Variants in PTPRT observed in about 807,000 individuals in gnomAD.
PTPRT encodes protein tyrosine phosphatase receptor type T.
A neutral mutation model predicts 176.8 loss-of-function variants in PTPRT; 56 were observed. That is an observed-to-expected ratio of 0.32 (90% CI 0.26 to 0.40). The LOEUF (loss-of-function observed/expected upper bound fraction) is 0.40. Among genes scored for constraint, PTPRT ranks in the 10% least tolerant of loss-of-function variants. The pLI, the probability that PTPRT is intolerant of heterozygous loss-of-function variation, is 1.00. For synonymous variants in PTPRT, 783 were observed against 739.0 expected, an observed-to-expected ratio of 1.06 and a Z score of -0.96; for missense variants, 1,540 against 1,908.2, an observed-to-expected ratio of 0.81 and a Z score of 3.60.
intron 1 of PTPRT, chr20:42,966,268 A>T (rs541543465): frequency 1.3e-5 from 2 of 152,352 alleles, no homozygotes; most frequent in East Asian, 3.9e-4. Flanking sequence ...ACTGGGTATT[A>T]TACCATTTTT....
Position 42,616,413 on chromosome 20 carries a change from C to T in PTPRT, c.1153+61453G>A, listed in dbSNP as rs1305843823. Among the ~76,000 whole-genome samples, 54 of 122,382 alleles carry T rather than the reference C, an allele frequency of 4.4e-4. 3 individuals are homozygous for T. The highest frequency in any genetic ancestry group is 7.5e-4 in the Non-Finnish European group (44 of 58,478). The allele number at this position is 122,382 out of a possible 152,430, so 80.3% of individuals were successfully genotyped here. A position where few individuals can be genotyped will look rare whatever the true frequency, so the allele number is the denominator to read the frequency against. ...TTCTTTTGGGTTAGGATTGACTTGGCGATGCGGGCTCTTTTTTGGTTCCAT... is the reference window on the plus strand; with the variant it reads ...TTCTTTTGGGTTAGGATTGACTTGGTGATGCGGGCTCTTTTTTGGTTCCAT... On this transcript the variant is annotated intron_variant, in intron 7 of 30. Transcript: ENST00000373187.
chr20:42,136,505 C>T (rs1490254801), intron 18 of PTPRT, among the ~76,000 whole-genome samples: 1 of 152,080 alleles, frequency 6.6e-6, no homozygotes, highest in Non-Finnish European at 1.5e-5. Context: ...TGTGTACCTC[C>T]TTGTCCTGCC....
intron 13 of PTPRT, among the ~76,000 whole-genome samples, chr20:42,254,838 A>G (rs867058377): frequency 2.5e-4 from 38 of 152,146 alleles, no homozygotes; most frequent in African/African-American, 8.9e-4. Context: ...TGCACAACTA[A>G]GCCCTGAGGA....
intron 2 of PTPRT, among the ~76,000 whole-genome samples, chr20:42,884,498 G>T (rs544820537): frequency 6.6e-6 from 1 of 152,244 alleles, no homozygotes; most frequent in Admixed American, 6.5e-5. Context: ...TAGCCAAGAT[G>T]ACATGGCAGC....
chr20:42,646,884 T>TTTTTTTTC (rs2074916021), intron 7 of PTPRT, among the ~76,000 whole-genome samples: 1 of 74,694 alleles, frequency 1.3e-5, no homozygotes, highest in African/African-American at 6.2e-5. Context: ...AAGACAGCCT[T>TTTTTTTTC]TTTTTTTTTT....
At chr20:42,135,190 A>T (rs1988314320) in intron 18 of PTPRT, among the ~76,000 whole-genome samples, 1 of 152,202 alleles carries the variant, frequency 6.6e-6, no homozygotes, top group Non-Finnish European at 1.5e-5. Flanking sequence ...CCCTAACCAT[A>T]TCACCTGGGG....
chr20:42,938,807 T>C (rs914453173), intron 1 of PTPRT, among the ~76,000 whole-genome samples: 3 of 152,224 alleles, frequency 2.0e-5, no homozygotes, highest in Non-Finnish European at 4.4e-5. Context: ...AGTTCCTGTG[T>C]CTTAAGAAAT....
intron 9 of PTPRT, among the ~76,000 whole-genome samples, chr20:42,356,727 TGTC>T (rs2058363265): frequency 6.6e-6 from 1 of 152,058 alleles, no homozygotes; most frequent in African/African-American, 2.4e-5. Context: ...AATCCAATCA[TGTC>T]GTAAGAGCAA....
chr20:42,219,393 T>G (rs1224626074), intron 15 of PTPRT, among the ~76,000 whole-genome samples: 2 of 152,152 alleles, frequency 1.3e-5, no homozygotes, highest in Non-Finnish European at 2.9e-5. Flanking sequence ...TGTTATAATC[T>G]CAACACATAG....
In PTPRT at chr20:43,189,681, G is replaced by T. The variant is rs2015492340; in HGVS notation, c.53C>A (p.Pro18Gln). The T allele has an allele frequency of 7.6e-7, 1 of 1,319,410 alleles. No individual in the cohort carries two copies. The highest frequency in any genetic ancestry group is 3.2e-5 in the East Asian group (1 of 31,210). 81.7% of individuals were successfully genotyped at this position (1,319,410 alleles called of 1,614,324 possible). ...CTGAGCCCGGGCGCCGGGCAGTGGC[G>T]GCAGCTGCAGCCTCAGGAGCAGGCT... ...ALSLLLRLQL[P>Q]PLPGARAQSA... The change falls in exon 1 of 31, where the codon CCG becomes CAG. Residue 18 changes from proline (P) to glutamine (Q), a missense_variant. Transcript: ENST00000373187. The surrounding 1 kb of genome is among the most constrained non-coding windows in gnomAD (Gnocchi z 5.0).
intron 9 of PTPRT, among the ~76,000 whole-genome samples, chr20:42,415,111 G>A (rs1297735882): frequency 6.6e-6 from 1 of 152,164 alleles, no homozygotes; most frequent in African/African-American, 2.4e-5. Context: ...GGCAATGGTT[G>A]GGCATTAGGT....
chr20:42,445,962 G>C (rs2070725537), intron 9 of PTPRT, among the ~76,000 whole-genome samples: 1 of 152,126 alleles, frequency 6.6e-6, no homozygotes, highest in African/African-American at 2.4e-5. Context: ...TTAGACCCTT[G>C]CTCTCCCTCT....
At chr20:42,386,165 G>C (rs1450731663) in intron 9 of PTPRT, among the ~76,000 whole-genome samples, 1 of 152,202 alleles carries the variant, frequency 6.6e-6, no homozygotes, top group Admixed American at 6.5e-5. Flanking sequence ...GGCACTGTGA[G>C]AGCACAGGAT....
intron 5 of PTPRT, among the ~76,000 whole-genome samples, chr20:42,763,891 G>T (rs1030252581): frequency 5.3e-5 from 8 of 152,270 alleles, no homozygotes; most frequent in South Asian, 2.1e-4. Context: ...AGAGTCAGGA[G>T]GGACCTGGCA....
intron 6 of PTPRT, among the ~76,000 whole-genome samples, chr20:42,715,803 A>T (rs1271576926): frequency 6.6e-6 from 1 of 152,210 alleles, no homozygotes; most frequent in Non-Finnish European, 1.5e-5. Flanking sequence ...CTTAGCGTAA[A>T]TTTTGATCAA....
intron 2 of PTPRT, among the ~76,000 whole-genome samples, chr20:42,837,016 G>T (rs1191791681): frequency 6.6e-6 from 1 of 152,156 alleles, no homozygotes; most frequent in Non-Finnish European, 1.5e-5. Flanking sequence ...CTTAACTGCC[G>T]CACCGCATGG....
At chr20:42,670,798 C>T (rs1385842572) in intron 7 of PTPRT, among the ~76,000 whole-genome samples, 3 of 152,122 alleles carry the variant, frequency 2.0e-5, no homozygotes, top group Non-Finnish European at 4.4e-5. Context: ...GATTCTGTAA[C>T]TATAATCGGA....
chr20:42,251,181 G>C (rs1443551394), intron 13 of PTPRT, among the ~76,000 whole-genome samples: 1 of 152,136 alleles, frequency 6.6e-6, no homozygotes, highest in Admixed American at 6.5e-5. Flanking sequence ...TTGTCTCTGG[G>C]GCATTCACTC....
At chr20:42,623,968 A>G (rs1470988981) in intron 7 of PTPRT, among the ~76,000 whole-genome samples, 2 of 149,396 alleles carry the variant, frequency 1.3e-5, no homozygotes, top group Non-Finnish European at 3.0e-5. Flanking sequence ...ACCCTGCCAC[A>G]CCTGCCCCAG....
Sources: allele counts gnomAD v4.1 joint callset (sites outside exome capture counted in the v4.1 genomes callset), GRCh38; gene constraint gnomAD v4.1.1; non-coding constraint Gnocchi (gnomAD v3.1); transcripts MANE v1.5; gene names NCBI Gene and HGNC (gene_info 2026-07-23, HGNC 2026-07-21).